The following CELF5 variants were observed in gnomAD, a reference collection of about 807,000 sequenced individuals.
CELF5 encodes the protein CUG-BP and ETR-3 like factor 5.
A neutral mutation model predicts 54.9 loss-of-function variants in CELF5; 6 were observed. The ratio of observed to expected loss-of-function variants is 0.11; its 90% CI spans 0.06 to 0.22. The LOEUF is 0.22. CELF5 is among the 10% of genes least tolerant of loss of function. The pLI, the probability that CELF5 is intolerant of heterozygous loss-of-function variation, is 1.00. For synonymous variants in CELF5, 271 were observed against 290.9 expected (o/e 0.93, Z 0.70); for missense variants, 401 against 678.6 (o/e 0.59, Z 4.54).
chr19:3,271,042 C>T (rs1223810717), intron 2 of CELF5, among the ~76,000 whole-genome samples: 2 of 150,872 alleles, frequency 1.3e-5, no homozygotes, highest in African/African-American at 4.9e-5. Context: ...TTGTGCAAGG[C>T]AGGAGCTGGG....
rs1278030051 is a variant in CELF5, at chr19:3,235,789, A to AATGG, written c.259+10815_259+10818dup. On this transcript the variant is annotated intron_variant, in intron 1 of 12. Coordinates refer to ENST00000292672, the MANE Select transcript of CELF5 (RefSeq NM_021938.4). ...GGGTGGATAGATGGATGGATGGATG[A>AATGG]ATGGATGGATGGATGGATGGATGGA... Among the ~76,000 whole-genome samples, 101 of 50,762 alleles carry AATGG rather than the reference A, an allele frequency of 2.0e-3. 2 individuals are homozygous for AATGG. Among genetic ancestry groups the AATGG allele is most frequent in the East Asian group, 3.5e-3 (4 of 1,132 alleles). 33.3% of individuals were successfully genotyped at this position (50,762 alleles called of 152,430 possible).
In CELF5 at chr19:3,293,207, T is replaced by G. The variant is rs1599494547; in HGVS notation, c.1331-112T>G. On this transcript the variant is annotated intron_variant, in intron 11 of 12. Coordinates refer to ENST00000292672, the MANE Select transcript of CELF5 (RefSeq NM_021938.4). ...ACAAACACCCTGGCCTGTGCAGGTG[T>G]GCACGCAGGCCTGCTCAGGACCCCG... 1.5e-5 allele frequency: 21 copies of G among 1,411,778 alleles called. No homozygotes were observed. In the East Asian group the frequency reaches 4.8e-4, roughly 32 times the overall value. The allele number at this position is 1,411,778 out of a possible 1,614,324, so 87.5% of individuals were successfully genotyped here. A position where few individuals can be genotyped will look rare whatever the true frequency, so the allele number is the denominator to read the frequency against.
intron 2 of CELF5, among the ~76,000 whole-genome samples, chr19:3,264,906 G>C (rs1276025393): frequency 6.6e-6 from 1 of 151,690 alleles, no homozygotes; most frequent in Non-Finnish European, 1.5e-5. Context: ...ATAGAGATAG[G>C]GTTTCATCAT....
At chr19:3,226,528 G>A (rs1403392795) in intron 1 of CELF5, among the ~76,000 whole-genome samples, 1 of 151,238 alleles carries the variant, frequency 6.6e-6, no homozygotes, top group East Asian at 1.9e-4. Flanking sequence ...AGGGCAGAGG[G>A]GCTCCCATGC....
chr19:3,251,297 G>C (rs1437967040), intron 2 of CELF5, among the ~76,000 whole-genome samples: 2 of 152,320 alleles, frequency 1.3e-5, no homozygotes, highest in Admixed American at 6.5e-5. Flanking sequence ...TGGTTGTGCA[G>C]GTTGTATACT....
chr19:3,226,956 G>A (rs1266386997), intron 1 of CELF5, among the ~76,000 whole-genome samples: 3 of 151,988 alleles, frequency 2.0e-5, no homozygotes, highest in Admixed American at 6.6e-5. Flanking sequence ...TGGGGTCCCT[G>A]GGGTACCTCG....
intron 2 of CELF5, among the ~76,000 whole-genome samples, chr19:3,263,018 GGCA>G (rs1468330581): frequency 6.6e-6 from 1 of 151,812 alleles, no homozygotes; most frequent in Non-Finnish European, 1.5e-5. Flanking sequence ...GACCGAGGTG[GGCA>G]GATCACCTGA....
chr19:3,262,508 T>C (rs745445861), intron 2 of CELF5, among the ~76,000 whole-genome samples: 1 of 152,142 alleles, frequency 6.6e-6, no homozygotes, highest in Non-Finnish European at 1.5e-5. Flanking sequence ...AGCTACCATA[T>C]GGGACGTAGA....
chr19:3,246,757 C>A (rs1308952366), intron 1 of CELF5, among the ~76,000 whole-genome samples: 1 of 152,144 alleles, frequency 6.6e-6, no homozygotes, highest in Non-Finnish European at 1.5e-5. Context: ...CAACTTTATT[C>A]ATAATTGCCC....
intron 5 of CELF5, among the ~76,000 whole-genome samples, chr19:3,280,499 T>A (rs1393919398): frequency 6.6e-6 from 1 of 151,922 alleles, no homozygotes; most frequent in East Asian, 1.9e-4. Flanking sequence ...CACTTGAACC[T>A]GGAAGGCAGA....
intron 2 of CELF5, among the ~76,000 whole-genome samples, chr19:3,254,211 C>CT (rs752457967): frequency 4.6e-5 from 7 of 152,146 alleles, no homozygotes; most frequent in African/African-American, 1.7e-4. Flanking sequence ...GGACTCTGTC[C>CT]TTCTCTCCAT....
intron 2 of CELF5, among the ~76,000 whole-genome samples, chr19:3,263,357 C>T (rs1352171017): frequency 2.0e-5 from 3 of 150,260 alleles, no homozygotes; most frequent in Non-Finnish European, 3.0e-5. Context: ...GTCAGGAGAT[C>T]GAGACCAGGC....
At chr19:3,273,397 T>A (rs2145223894) in intron 2 of CELF5, among the ~76,000 whole-genome samples, 1 of 151,966 alleles carries the variant, frequency 6.6e-6, no homozygotes. Context: ...CTCCTGGGCC[T>A]ATCCACCTGG....
intron 8 of CELF5, among the ~76,000 whole-genome samples, chr19:3,283,897 G>A (rs12971901): frequency 0.54 from 82,501 of 151,598 alleles, 23,759 homozygotes; most frequent in Middle Eastern, 0.69. Flanking sequence ...ATCATAGCTC[G>A]CTGCAGCCTT....
At chr19:3,242,726 A>C (rs1043495001) in intron 1 of CELF5, among the ~76,000 whole-genome samples, 6 of 152,124 alleles carry the variant, frequency 3.9e-5, no homozygotes, top group Non-Finnish European at 8.8e-5. Context: ...GAATCGCTTG[A>C]ACTTGGGAGG....
chr19:3,296,643 G>A (rs921761996), intron 12 of CELF5, 115 bp from the exon 13 acceptor site: 7 of 152,112 alleles, frequency 4.6e-5, no homozygotes, highest in East Asian at 1.9e-4. Context: ...TGTCCGCGGC[G>A]CCCGCCGAGG....
chr19:3,267,295 T>G (rs999823440), intron 2 of CELF5, among the ~76,000 whole-genome samples: 13 of 151,880 alleles, frequency 8.6e-5, no homozygotes, highest in Admixed American at 3.9e-4. Context: ...ACCCCCCCGT[T>G]TCCGGTTCCC....
chr19:3,247,347 C>T (rs1283593941), intron 1 of CELF5, among the ~76,000 whole-genome samples: 4 of 151,714 alleles, frequency 2.6e-5, no homozygotes, highest in Admixed American at 6.6e-5. Flanking sequence ...AGGATGGTCT[C>T]GATCTCCTGA....
At chr19:3,243,291 G>T (rs772795444) in intron 1 of CELF5, among the ~76,000 whole-genome samples, 2 of 151,576 alleles carry the variant, frequency 1.3e-5, no homozygotes, top group African/African-American at 4.9e-5. Flanking sequence ...TTGAGACAAG[G>T]TTTTGCTATG....
Sources: allele counts gnomAD v4.1 joint callset (sites outside exome capture counted in the v4.1 genomes callset), GRCh38; gene constraint gnomAD v4.1.1; transcripts MANE v1.5; gene names NCBI Gene and HGNC (gene_info 2026-07-23, HGNC 2026-07-21).